FAM110B: variants seen among roughly 807,000 people sequenced by gnomAD.
FAM110B encodes protein FAM110B.
FAM110B carries 6 observed loss-of-function variants against 20.4 expected under a neutral mutation model. That is an observed-to-expected ratio of 0.29 (90% CI 0.16 to 0.58). The LOEUF (loss-of-function observed/expected upper bound fraction) is 0.58, where lower values mean the gene tolerates loss of function less well. Among genes scored for constraint, FAM110B ranks in the 20% least tolerant of loss-of-function variants. The pLI is 0.90. For missense variants in FAM110B, 434 were observed against 498.2 expected (o/e 0.87, Z 1.23); for synonymous variants, 226 against 214.1 (o/e 1.06, Z -0.49).
At chr8:58,022,526 A>G (rs1400635069) in intron 1 of FAM110B, among the ~76,000 whole-genome samples, 1 of 152,220 alleles carries the variant, frequency 6.6e-6, no homozygotes, top group Non-Finnish European at 1.5e-5. Flanking sequence ...GGTCAATTTT[A>G]CATTATATAC....
intron 3 of FAM110B, among the ~76,000 whole-genome samples, chr8:58,077,856 G>A (rs190490135): frequency 4.6e-5 from 7 of 152,260 alleles, no homozygotes; most frequent in Non-Finnish European, 8.8e-5. Flanking sequence ...GTGTCAGTTG[G>A]GTTGCAGGCG....
intron 1 of FAM110B, among the ~76,000 whole-genome samples, chr8:58,007,177 CT>C (rs1239403253): frequency 6.6e-6 from 1 of 152,034 alleles, no homozygotes; most frequent in Non-Finnish European, 1.5e-5. Flanking sequence ...TAAAACGTCA[CT>C]TCTCTGGTCT....
At chr8:58,095,712 T>G (rs1025489110) in intron 3 of FAM110B, among the ~76,000 whole-genome samples, 4 of 152,162 alleles carry the variant, frequency 2.6e-5, no homozygotes, top group Admixed American at 1.3e-4. Context: ...GGGTGTATAT[T>G]CTGTTGATTT....
intron 1 of FAM110B, among the ~76,000 whole-genome samples, chr8:58,026,462 G>T (rs1405260876): frequency 6.6e-6 from 1 of 151,942 alleles, no homozygotes; most frequent in South Asian, 2.1e-4. Flanking sequence ...TTAGTACTAT[G>T]AAATTGTTCT....
intron 2 of FAM110B, among the ~76,000 whole-genome samples, chr8:58,054,011 G>T (rs2150582186): frequency 6.6e-6 from 1 of 152,316 alleles, no homozygotes; most frequent in South Asian, 2.1e-4. Context: ...ACAGAAAACT[G>T]AAGTGAGATG....
chr8:58,027,713 T>G (rs1804880626), intron 1 of FAM110B, among the ~76,000 whole-genome samples: 1 of 152,242 alleles, frequency 6.6e-6, no homozygotes, highest in African/African-American at 2.4e-5. Flanking sequence ...CTTTTGTGTT[T>G]GGCTTCTTTT....
chr8:58,073,241 C>T (rs1251917435), intron 2 of FAM110B, among the ~76,000 whole-genome samples: 1 of 152,090 alleles, frequency 6.6e-6, no homozygotes, highest in Non-Finnish European at 1.5e-5. Flanking sequence ...GGAAGAGAAG[C>T]AGCTAAATTA....
At chr8:58,044,288 A>T (rs916419740) in intron 2 of FAM110B, among the ~76,000 whole-genome samples, 1 of 152,216 alleles carries the variant, frequency 6.6e-6, no homozygotes. Flanking sequence ...TTCAGTGTGC[A>T]GCCTGTGCAA....
At chr8:58,047,863 G>A (rs1175379912) in intron 2 of FAM110B, among the ~76,000 whole-genome samples, 2 of 151,874 alleles carry the variant, frequency 1.3e-5, no homozygotes, top group Non-Finnish European at 2.9e-5. Context: ...AGTGTGCTTG[G>A]AGACCAGTTT....
intron 2 of FAM110B, among the ~76,000 whole-genome samples, chr8:58,040,499 G>A (rs182293107): frequency 1.6e-4 from 24 of 152,256 alleles, no homozygotes; most frequent in Admixed American, 7.8e-4. Flanking sequence ...GGGCCGCTCT[G>A]CCTAGATTAG....
intron 3 of FAM110B, among the ~76,000 whole-genome samples, chr8:58,145,104 G>T (rs1444566707): frequency 6.6e-6 from 1 of 152,092 alleles, no homozygotes; most frequent in Non-Finnish European, 1.5e-5. Flanking sequence ...TTTGATTTCT[G>T]CTCATTAAGT....
At chr8:58,111,320 A>G (rs558202708) in intron 3 of FAM110B, among the ~76,000 whole-genome samples, 2 of 152,296 alleles carry the variant, frequency 1.3e-5, no homozygotes, top group East Asian at 3.8e-4. Flanking sequence ...TTTCACTCAT[A>G]CCTTATTTTT....
chr8:58,038,969 A>G (rs562320920), intron 2 of FAM110B, among the ~76,000 whole-genome samples: 6 of 152,366 alleles, frequency 3.9e-5, no homozygotes, highest in African/African-American at 1.4e-4. Context: ...TGCCAGAAAG[A>G]CGTGGCTCTT....
At chr8:58,102,051 T>G (rs1213318134) in intron 3 of FAM110B, among the ~76,000 whole-genome samples, 1 of 152,254 alleles carries the variant, frequency 6.6e-6, no homozygotes, top group African/African-American at 2.4e-5. Flanking sequence ...TTTTCGTTAT[T>G]TTCCAGACCA....
chr8:58,106,061 C>T (rs962798351), intron 3 of FAM110B: 15 of 152,168 alleles, frequency 9.9e-5, no homozygotes, highest in African/African-American at 3.1e-4. Flanking sequence ...TGAATTCCAT[C>T]CAATCACTAC....
At chr8:58,032,360 A>G (rs1804981211) in intron 2 of FAM110B, 1 of 152,266 alleles carries the variant, frequency 6.6e-6, no homozygotes, top group South Asian at 2.1e-4. Flanking sequence ...AATTATTAAC[A>G]TAATGTAAAT....
At chr8:58,135,499 A>G (rs946297269) in intron 3 of FAM110B, among the ~76,000 whole-genome samples, 1 of 152,230 alleles carries the variant, frequency 6.6e-6, no homozygotes, top group African/African-American at 2.4e-5. Context: ...TTTTATTATA[A>G]CACACATTTT....
intron 1 of FAM110B, among the ~76,000 whole-genome samples, chr8:58,006,919 A>ATTTT (rs137960762): frequency 0.22 from 22,250 of 102,700 alleles, 2,793 homozygotes; most frequent in Middle Eastern, 0.38. Context: ...ATATATATAT[A>ATTTT]TATATTTTTC....
chr8:58,107,763 C>A (rs1806956155), intron 3 of FAM110B, among the ~76,000 whole-genome samples: 3 of 152,166 alleles, frequency 2.0e-5, no homozygotes, highest in African/African-American at 7.2e-5. Flanking sequence ...GTTCCTGGTG[C>A]CCCCAGCATG....
Sources: allele counts gnomAD v4.1 joint callset (sites outside exome capture counted in the v4.1 genomes callset), GRCh38; gene constraint gnomAD v4.1.1; transcripts MANE v1.5; gene names NCBI Gene and HGNC (gene_info 2026-07-23, HGNC 2026-07-21).